The following COL19A1 variants were observed in gnomAD, a reference collection of about 807,000 sequenced individuals.
COL19A1 encodes the protein collagen type XIX alpha 1 chain.
A neutral mutation model predicts 190.2 loss-of-function variants in COL19A1; 159 were observed. The observed-to-expected ratio is 0.84, with a 90% confidence interval of 0.73 to 0.95. The LOEUF is 0.95. COL19A1 is among the 40% of genes least tolerant of loss of function. The probability of loss-of-function intolerance (pLI) is 0.00; values close to 1 mark genes in which losing one functional copy is unlikely to be tolerated. For missense variants in COL19A1, 1,418 were observed against 1,431.9 expected (o/e 0.99, Z 0.16); for synonymous variants, 509 against 458.9 (o/e 1.11, Z -1.39).
At chr6:70,145,158 C>A (rs1786540328) in intron 25 of COL19A1, 151 bp downstream of exon 25, 1 of 648,208 alleles carries the variant, frequency 1.5e-6, no homozygotes, top group Non-Finnish European at 2.7e-6. Flanking sequence ...TTTGACCTAG[C>A]AATCCCACTA....
chr6:70,161,972 G>A lies in COL19A1; in HGVS notation c.2346+19G>A, dbSNP rs199601304. 4.8e-4 allele frequency: 756 copies of A among 1,582,314 alleles called. No individual in the cohort carries two copies. Among genetic ancestry groups the A allele is most frequent in the East Asian group, 6.6e-4 (29 of 43,748 alleles). The stretch of plus-strand genomic sequence containing the variant: ...ACCCCCTGTAAGTATTTGTTAAAAC[G>A]ATTGCACTCACAGCTTATATCTGCT... On this transcript the variant is annotated intron_variant, in intron 35 of 50. Transcript: ENST00000620364.
At chr6:70,040,034 G>A (rs1779558345) in intron 14 of COL19A1, among the ~76,000 whole-genome samples, 1 of 151,838 alleles carries the variant, frequency 6.6e-6, no homozygotes, top group Non-Finnish European at 1.5e-5. Flanking sequence ...CCAAAGTGTT[G>A]GAATTATAGG....
Position 69,921,436 on chromosome 6 carries a change from C to CATATATG in COL19A1, c.267-6467_267-6466insGATATAT, listed in dbSNP as rs1561998232. On this transcript the variant is annotated intron_variant, in intron 4 of 50. Coordinates refer to ENST00000620364, the MANE Select transcript of COL19A1 (RefSeq NM_001858.6). The stretch of plus-strand genomic sequence containing the variant: ...CATATATCATATATATCATATATAT[C>CATATATG]ATATATATCATATATCATATATATC... 5.4e-4 allele frequency among the ~76,000 whole-genome samples: 65 copies of CATATATG among 121,320 alleles called. 5 individuals are homozygous for CATATATG. The highest frequency in any genetic ancestry group is 2.2e-3 in the African/African-American group (59 of 27,158). The allele number at this position is 121,320 out of a possible 152,430, so 79.6% of individuals were successfully genotyped here. A position where few individuals can be genotyped will look rare whatever the true frequency, so the allele number is the denominator to read the frequency against.
chr6:70,157,761 C>T (rs1406091373), intron 34 of COL19A1, among the ~76,000 whole-genome samples: 2 of 152,062 alleles, frequency 1.3e-5, no homozygotes, highest in East Asian at 1.9e-4. Flanking sequence ...TACTAAAGTA[C>T]AAGCACAATA....
intron 15 of COL19A1, among the ~76,000 whole-genome samples, chr6:70,069,180 A>G (rs1000298818): frequency 1.3e-5 from 2 of 152,160 alleles, no homozygotes; most frequent in African/African-American, 4.8e-5. Flanking sequence ...TAAATAGTAC[A>G]GGTACTGTCA....
At chr6:70,142,983 G>A (rs557917548) in intron 23 of COL19A1, among the ~76,000 whole-genome samples, 163 bp downstream of exon 23, 2 of 152,198 alleles carry the variant, frequency 1.3e-5, no homozygotes, top group South Asian at 4.1e-4. Context: ...GGAGCTATTG[G>A]GAAGACTAGA....
At chr6:70,000,062 C>T (rs1777166131) in intron 11 of COL19A1, among the ~76,000 whole-genome samples, 1 of 152,028 alleles carries the variant, frequency 6.6e-6, no homozygotes, top group Non-Finnish European at 1.5e-5. Flanking sequence ...TTGTTCCCCT[C>T]CCTGTGTCCA....
At chr6:70,076,911 G>A (rs1781916808) in intron 15 of COL19A1, among the ~76,000 whole-genome samples, 1 of 152,188 alleles carries the variant, frequency 6.6e-6, no homozygotes, top group African/African-American at 2.4e-5. Flanking sequence ...TATTTCATAT[G>A]TTTACCATTG....
intron 34 of COL19A1, among the ~76,000 whole-genome samples, chr6:70,157,127 C>CT (rs1787489804): frequency 6.6e-6 from 1 of 152,080 alleles, no homozygotes; most frequent in African/African-American, 2.4e-5. Context: ...AAGAACCCAG[C>CT]AGAGCTTCCC....
At position 70,146,643 on chromosome 6, in the gene COL19A1, A is replaced by ATTTTT; in HGVS notation, c.1771-16_1771-15insTTTTT. On this transcript the variant is annotated splice_polypyrimidine_tract_variant and intron_variant, in intron 25 of 50. Transcript: ENST00000620364. ...TTTCTAGAAGAAGATATGTATTCAT[A>ATTTTT]CTTTTTTTCTTTTAGGGATTAGATG... The ATTTTT allele has an allele frequency of 6.3e-7, 1 of 1,592,668 alleles. No individual in the cohort carries two copies. The highest frequency in any genetic ancestry group is 8.6e-7 in the Non-Finnish European group (1 of 1,168,018).
chr6:70,036,225 G>A (rs1056716316), intron 14 of COL19A1, among the ~76,000 whole-genome samples: 11 of 152,232 alleles, frequency 7.2e-5, no homozygotes, highest in Admixed American at 5.2e-4. Context: ...TCTCCTAAAT[G>A]TTTGATTATG....
chr6:70,044,656 G>A (rs1779811724), intron 14 of COL19A1, among the ~76,000 whole-genome samples: 1 of 152,196 alleles, frequency 6.6e-6, no homozygotes, highest in African/African-American at 2.4e-5. Flanking sequence ...TGGCTAGTCA[G>A]TGGAGCAGTC....
chr6:70,053,476 G>A (rs940578165), intron 14 of COL19A1, among the ~76,000 whole-genome samples: 1 of 152,138 alleles, frequency 6.6e-6, no homozygotes, highest in African/African-American at 2.4e-5. Flanking sequence ...GGAACAACCT[G>A]AGCATGTATG....
chr6:70,170,683 A>G (rs1292769156), intron 40 of COL19A1, among the ~76,000 whole-genome samples: 3 of 152,158 alleles, frequency 2.0e-5, no homozygotes, highest in African/African-American at 7.2e-5. Context: ...AACTTTATGC[A>G]GAACAGAATC....
chr6:70,073,748 T>C (rs1781694646), intron 15 of COL19A1, among the ~76,000 whole-genome samples: 1 of 152,160 alleles, frequency 6.6e-6, no homozygotes, highest in African/African-American at 2.4e-5. Flanking sequence ...TATTGCCTTT[T>C]CCTTAAAGAA....
At chr6:70,086,293 C>T (rs920356248) in intron 15 of COL19A1, among the ~76,000 whole-genome samples, 24 of 151,656 alleles carry the variant, frequency 1.6e-4, no homozygotes, top group African/African-American at 5.8e-4. Flanking sequence ...CACACACACA[C>T]CAAGGATAAA....
intron 2 of COL19A1, among the ~76,000 whole-genome samples, chr6:69,897,374 C>T (rs1335657879): frequency 1.3e-5 from 2 of 151,986 alleles, no homozygotes; most frequent in Non-Finnish European, 2.9e-5. Flanking sequence ...AGTTCTCTAG[C>T]TTATTCTTCT....
intron 11 of COL19A1, among the ~76,000 whole-genome samples, chr6:70,001,955 G>A (rs1317469362): frequency 1.3e-5 from 2 of 152,108 alleles, no homozygotes; most frequent in African/African-American, 2.4e-5. Context: ...GTTTTCAAAG[G>A]GAATGCTTCC....
chr6:69,991,892 CTGT>C (rs772241256), intron 11 of COL19A1, among the ~76,000 whole-genome samples: 1 of 151,972 alleles, frequency 6.6e-6, no homozygotes, highest in Non-Finnish European at 1.5e-5. Flanking sequence ...TGTGCAGAGG[CTGT>C]TTAGTTTAAT....
Sources: gnomAD v4.1 joint callset for allele counts (sites outside exome capture counted in the v4.1 genomes callset) on GRCh38, gnomAD v4.1.1 for gene constraint, MANE v1.5 for transcripts, NCBI Gene and HGNC (gene_info 2026-07-23, HGNC 2026-07-21) for gene names.